The following PROP1 variants were observed in gnomAD, a reference collection of about 807,000 sequenced individuals.
The protein encoded by PROP1 is PROP paired-like homeobox 1.
PROP1 carries 12 observed loss-of-function variants against 22.3 expected under a neutral mutation model. The ratio of observed to expected loss-of-function variants is 0.54; its 90% CI spans 0.34 to 0.87. The LOEUF is 0.87. Among genes scored for constraint, PROP1 ranks in the 40% least tolerant of loss-of-function variants. PROP1 has a pLI of 0.01. For missense variants in PROP1, 278 were observed against 295.1 expected, an observed-to-expected ratio of 0.94 and a Z score of 0.43; for synonymous variants, 112 against 116.7, an observed-to-expected ratio of 0.96 and a Z score of 0.26.
Position 177,992,297 on chromosome 5 carries a change from G to A in PROP1, c.*412C>T. 5.4e-6 allele frequency: 1 copy of A among 183,856 alleles called. No individual in the cohort carries two copies. Among genetic ancestry groups the A allele is most frequent in the Non-Finnish European group, 1.1e-5 (1 of 89,406 alleles). The allele number at this position is 183,856 out of a possible 1,614,324, so 11.4% of individuals were successfully genotyped here. On this transcript the variant is annotated 3_prime_UTR_variant, in exon 3 of 3. Coordinates refer to ENST00000308304, the MANE Select transcript of PROP1 (RefSeq NM_006261.5). Reference sequence around the variant, plus strand: ...GTGACTGATTGAGATGGCGGGGTGGGCAATGGGGAAGGGATGTATAGGTAG... The same window carrying A: ...GTGACTGATTGAGATGGCGGGGTGGACAATGGGGAAGGGATGTATAGGTAG...
At position 177,994,106 on chromosome 5, in the gene PROP1, C is replaced by T; in HGVS notation, c.342G>A (p.Gln114=). The T allele has an allele frequency of 6.2e-7, 1 of 1,613,976 alleles. No homozygotes were observed. Among genetic ancestry groups the T allele is most frequent in the Non-Finnish European group, 8.5e-7 (1 of 1,179,844 alleles). Residue 114 remains glutamine (Q), a splice_region_variant and synonymous_variant, in exon 2 of 3, where the codon CAG becomes CAA. Transcript: ENST00000308304. ...AGAGAGGAGGATCCTGGAGCATCAC[C>T]TGGATTCGGGCCTCACTGAGGCCAG... The part of the protein sequence containing the change: ...RDTGLSEARI[Q]VWFQNRRAKQ...
Position 177,992,925 on chromosome 5 carries a change from A to G in PROP1, c.465T>C (p.Tyr155=). The G allele has an allele frequency of 2.5e-6, 4 of 1,613,870 alleles. No individual in the cohort carries two copies. The highest frequency in any genetic ancestry group is 1.3e-5 in the African/African-American group (1 of 75,002). The change falls in exon 3 of 3, where the codon TAT becomes TAC. Residue 155 remains tyrosine (Y), a synonymous_variant. Coordinates refer to ENST00000308304, the MANE Select transcript of PROP1 (RefSeq NM_006261.5). ...SFLPESTACP[Y]SYAAPPPPVT... is the part of the protein sequence containing the mutation. The stretch of plus-strand genomic sequence containing the variant: ...CTGGTGGTGGTGGTGCTGCGTAAGA[A>G]TAGGGGCAAGCAGTGGACTCTGGCA...
In PROP1 at chr5:177,994,297, C is replaced by G. The variant is rs995937296; in HGVS notation, c.151G>C (p.Gly51Arg). 1.4e-5 allele frequency: 23 copies of G among 1,611,834 alleles called. No homozygotes were observed. The highest frequency in any genetic ancestry group is 1.6e-4 in the Middle Eastern group (1 of 6,076). ...PPCRRLPGAG[G>R]GRSRFSPQGG... ...TGCGGGGAGAACCTTGATCTCCCCC[C>G]TCCTGCACCAGGGAGCCTTCTGCAG... Residue 51 changes from glycine to arginine, a missense_variant, in exon 2 of 3, where the codon GGG becomes CGG. Transcript: ENST00000308304.
At chr5:177,993,291 A>T (rs1372565702) in intron 2 of PROP1, among the ~76,000 whole-genome samples, 7 of 152,228 alleles carry the variant, frequency 4.6e-5, no homozygotes, top group Non-Finnish European at 1.0e-4. Flanking sequence ...GTCAGCTTCC[A>T]CCAAGGAGAT....
At chr5:177,993,564 T>TG (rs1562024263) in intron 2 of PROP1, among the ~76,000 whole-genome samples, 5 of 93,902 alleles carry the variant, frequency 5.3e-5, no homozygotes, top group African/African-American at 1.9e-4. Context: ...TTGGCATCAC[T>TG]ATTTTTTTTT....
Position 177,994,247 on chromosome 5 carries a change from G to T in PROP1, c.201C>A (p.His67Gln), listed in dbSNP as rs147215309. Residue 67 changes from histidine to glutamine, a missense_variant, in exon 2 of 3, where the codon CAC (histidine) becomes CAA (glutamine). By Grantham distance (24) the His-to-Gln change is conservative. Transcript: ENST00000308304. ...AGGTGGTGCGGTGGCGGCGCCGGGA[G>T]TGCGGGCGGCCCCTCTGTCCTCCTT... ...SPQGGQRGRP[H>Q]SRRRHRTTFS... The T allele has an allele frequency of 2.4e-5, 38 of 1,613,880 alleles. No homozygotes were observed. The highest frequency in any genetic ancestry group is 3.3e-5 in the Admixed American group (2 of 59,992).
chr5:177,992,863 G>A lies in PROP1; in HGVS notation c.527C>T (p.Pro176Leu). The A allele has an allele frequency of 6.2e-7, 1 of 1,613,194 alleles. No homozygotes were observed. The highest frequency in any genetic ancestry group is 8.5e-7 in the Non-Finnish European group (1 of 1,179,486). ...GGCGCCTCCTGTGGAGGGCTGGGAA[G>A]GGAGGGCATGGCTGTAGGGGTGAGG... The part of the protein sequence containing the change: ...CFPHPYSHAL[P>L]SQPSTGGAFA... The change falls in exon 3 of 3, where the codon CCT (proline) becomes CTT (leucine). Residue 176 changes from proline to leucine, a missense_variant. By Grantham distance (98) the Pro-to-Leu change is moderately conservative. Transcript: ENST00000308304.
rs2233787 is a variant in PROP1 at position 177,992,657 on chromosome 5, C to T, written c.*52G>A. 0.01 allele frequency: 13,440 copies of T among 1,315,538 alleles called. 104 individuals are homozygous for T. The highest frequency in any genetic ancestry group is 0.015 in the Middle Eastern group (56 of 3,862). 81.5% of individuals were successfully genotyped at this position (1,315,538 alleles called of 1,614,324 possible). A position where few individuals can be genotyped will look rare whatever the true frequency, so the allele number is the denominator to read the frequency against. On this transcript the variant is annotated 3_prime_UTR_variant, in exon 3 of 3. Coordinates refer to ENST00000308304, the MANE Select transcript of PROP1 (RefSeq NM_006261.5). ...AAAGGAAGCCACCCCATTTTCTTGTCTTTTCACGAGGGCCGCAGGCTGGGG... is the reference window on the plus strand; with the variant it reads ...AAAGGAAGCCACCCCATTTTCTTGTTTTTTCACGAGGGCCGCAGGCTGGGG...
At chr5:177,994,798 C>T (rs1755722634) in intron 1 of PROP1, among the ~76,000 whole-genome samples, 4 of 152,108 alleles carry the variant, frequency 2.6e-5, no homozygotes, top group South Asian at 4.1e-4. Context: ...TGCTCAGCCT[C>T]GGCCCCTGGT....
At position 177,992,690 on chromosome 5, in the gene PROP1, T is replaced by C; in HGVS notation, c.*19A>G. 1 of 1,513,540 alleles carries C rather than the reference T, an allele frequency of 6.6e-7. No individual in the cohort carries two copies. Among genetic ancestry groups the C allele is most frequent in the Middle Eastern group, 2.3e-4 (1 of 4,308 alleles). 93.8% of individuals were successfully genotyped at this position (1,513,540 alleles called of 1,614,324 possible). On this transcript the variant is annotated 3_prime_UTR_variant, in exon 3 of 3. Transcript: ENST00000308304. ...GAGGGCCGCAGGCTGGGGATCACCT[T>C]GGTGGTACTTGTTTGACCTCAGTTC...
chr5:177,994,509 C>T (rs1755711534), intron 1 of PROP1, among the ~76,000 whole-genome samples, 171 bp from the exon 2 acceptor site: 1 of 152,080 alleles, frequency 6.6e-6, no homozygotes, highest in Non-Finnish European at 1.5e-5. Flanking sequence ...GTGATCACAG[C>T]TCACTGCAGC....
chr5:177,995,336 G>C (rs967052238), intron 1 of PROP1, among the ~76,000 whole-genome samples: 9 of 152,092 alleles, frequency 5.9e-5, no homozygotes, highest in Non-Finnish European at 1.3e-4. Context: ...AGGAGAGAAC[G>C]GGGAGGGAAA....
At chr5:177,994,784 AC>A (rs141213827) in intron 1 of PROP1, among the ~76,000 whole-genome samples, 1,995 of 151,866 alleles carry the variant, frequency 0.013, 36 homozygotes, top group African/African-American at 0.046. Context: ...TGGTTCCTGC[AC>A]CCTGCTCAGC....
chr5:177,995,662 A>G (rs1755749325), intron 1 of PROP1, among the ~76,000 whole-genome samples, 163 bp downstream of exon 1: 1 of 152,190 alleles, frequency 6.6e-6, no homozygotes, highest in Admixed American at 6.5e-5. Flanking sequence ...CTGTAAAGCC[A>G]AGGGGTGCTC....
At position 177,994,264 on chromosome 5, in the gene PROP1, GTCC is replaced by G. The variant is rs1755701270; in HGVS notation, c.181_183del (p.Gly61del). The G allele has an allele frequency of 1.2e-6, 2 of 1,613,870 alleles. No individual in the cohort carries two copies. Among genetic ancestry groups the G allele is most frequent in the Non-Finnish European group, 1.7e-6 (2 of 1,179,846 alleles). On this transcript the variant is annotated inframe_deletion, in exon 2 of 3. Coordinates refer to ENST00000308304, the MANE Select transcript of PROP1 (RefSeq NM_006261.5). ...CGCCGGGAGTGCGGGCGGCCCCTCT[GTCC>G]TCCTTGCGGGGAGAACCTTGATCTC...
chr5:177,995,595 C>G (rs967609224), intron 1 of PROP1, among the ~76,000 whole-genome samples: 47 of 152,208 alleles, frequency 3.1e-4, no homozygotes, highest in African/African-American at 1.1e-3. Flanking sequence ...TCTCACATCC[C>G]CACTGCAATG....
chr5:177,994,421 G>T (rs772436536), intron 1 of PROP1, 83 bp from the exon 2 acceptor site: 17 of 1,168,352 alleles, frequency 1.5e-5, no homozygotes, highest in Non-Finnish European at 2.1e-5. Context: ...CCGGGATTGC[G>T]CTCAGTGCGT....
Position 177,992,760 on chromosome 5 carries a change from TG to T in PROP1, c.629del (p.Pro210HisfsTer26), listed in dbSNP as rs761018422. On this transcript the variant is annotated frameshift_variant, in exon 3 of 3. Coordinates refer to ENST00000308304, the MANE Select transcript of PROP1 (RefSeq NM_006261.5). LOFTEE classifies it high-confidence loss of function. ...GGCTGAGGGGGAGCATGGGAGGGGGTGGGGGGCAGGGCAGATGGCCGGCAGG... is the reference window on the plus strand; with the variant it reads ...GGCTGAGGGGGAGCATGGGAGGGGGTGGGGGCAGGGCAGATGGCCGGCAGG... Reference protein sequence around the residue: ...PAPAGHLPCPPPPPMLPLSLE... With the variant: ...PAPAGHLPCPXPPPMLPLSLE... The T allele has an allele frequency of 2.2e-5, 6 of 270,460 alleles. No individual in the cohort carries two copies. The highest frequency in any genetic ancestry group is 1.8e-5 in the Non-Finnish European group (3 of 169,584). 16.8% of individuals were successfully genotyped at this position (270,460 alleles called of 1,614,324 possible). A position where few individuals can be genotyped will look rare whatever the true frequency, so the allele number is the denominator to read the frequency against.
chr5:177,993,686 G>A (rs1040162248), intron 2 of PROP1, among the ~76,000 whole-genome samples: 4 of 151,856 alleles, frequency 2.6e-5, no homozygotes, highest in Non-Finnish European at 2.9e-5. Flanking sequence ...CTCAGCCTCC[G>A]GAGTAGCTGG....
Sources: allele counts gnomAD v4.1 joint callset (sites outside exome capture counted in the v4.1 genomes callset), GRCh38; gene constraint gnomAD v4.1.1; transcripts MANE v1.5; gene names NCBI Gene and HGNC (gene_info 2026-07-23, HGNC 2026-07-21).